RANBP17: variants seen among roughly 807,000 people sequenced by gnomAD.
The protein encoded by RANBP17 is ran-binding protein 17.
RANBP17 carries 158 observed loss-of-function variants against 141.2 expected under a neutral mutation model. The ratio of observed to expected loss-of-function variants is 1.12; its 90% CI spans 0.98 to 1.28. The LOEUF is 1.28. Among genes scored for constraint, RANBP17 ranks in the 50% most tolerant of loss-of-function variants. The pLI, the probability that RANBP17 is intolerant of heterozygous loss-of-function variation, is 0.00. For synonymous variants in RANBP17, 430 were observed against 450.0 expected (o/e 0.96, Z 0.56); for missense variants, 1,438 against 1,290.7 (o/e 1.11, Z -1.75).
At chr5:171,282,671 G>C (rs1417674361) in intron 25 of RANBP17, among the ~76,000 whole-genome samples, 2 of 152,084 alleles carry the variant, frequency 1.3e-5, no homozygotes, top group South Asian at 2.1e-4. Context: ...GTAGAGACGG[G>C]GTTTCACGAT....
chr5:171,122,914 A>G (rs1756147871), intron 14 of RANBP17, among the ~76,000 whole-genome samples: 1 of 152,130 alleles, frequency 6.6e-6, no homozygotes, highest in African/African-American at 2.4e-5. Flanking sequence ...GTCCACTCAG[A>G]GGGCTTCAGT....
intron 14 of RANBP17, among the ~76,000 whole-genome samples, chr5:171,148,815 G>A (rs1001271668): frequency 4.6e-5 from 7 of 152,148 alleles, no homozygotes; most frequent in Non-Finnish European, 1.0e-4. Context: ...TGATATTAAT[G>A]TGATTTCTTC....
chr5:171,004,818 C>A (rs1779469808), intron 14 of RANBP17, among the ~76,000 whole-genome samples: 1 of 152,174 alleles, frequency 6.6e-6, no homozygotes, highest in Non-Finnish European at 1.5e-5. Flanking sequence ...TGAGGACATT[C>A]TGAGGCCCAG....
At chr5:170,902,566 C>T (rs1285412364) in intron 5 of RANBP17, among the ~76,000 whole-genome samples, 2 of 152,072 alleles carry the variant, frequency 1.3e-5, no homozygotes, top group Non-Finnish European at 2.9e-5. Flanking sequence ...CCCTTGTTGG[C>T]GAGGAGTTGT....
intron 25 of RANBP17, among the ~76,000 whole-genome samples, chr5:171,272,164 G>A (rs180717281): frequency 3.9e-5 from 6 of 152,248 alleles, no homozygotes; most frequent in Non-Finnish European, 8.8e-5. Context: ...GACATGAAGG[G>A]AACAACAGAT....
intron 24 of RANBP17, among the ~76,000 whole-genome samples, chr5:171,250,440 A>G (rs772078765): frequency 4.6e-5 from 7 of 152,334 alleles, no homozygotes; most frequent in Non-Finnish European, 8.8e-5. Context: ...ATGTAAAACA[A>G]CCAGAAAACA....
At chr5:170,943,691 A>C (rs958453635) in intron 12 of RANBP17, among the ~76,000 whole-genome samples, 5 of 152,154 alleles carry the variant, frequency 3.3e-5, no homozygotes, top group Admixed American at 6.5e-5. Context: ...CTCTAAATGC[A>C]ATTTAGATAC....
chr5:171,108,049 G>C (rs370179467), intron 14 of RANBP17, among the ~76,000 whole-genome samples: 5 of 152,216 alleles, frequency 3.3e-5, no homozygotes, highest in Non-Finnish European at 7.3e-5. Context: ...ATTATGGTTA[G>C]AGTCGATTGA....
At chr5:171,219,075 AGGCAGACCTGGT>A (rs1763400227) in intron 21 of RANBP17, among the ~76,000 whole-genome samples, 1 of 152,110 alleles carries the variant, frequency 6.6e-6, no homozygotes, top group East Asian at 1.9e-4. Context: ...AGCTCTTGTA[AGGCAGACCTGGT>A]GGTGACAAAA....
chr5:171,227,478 G>A (rs182297546), intron 22 of RANBP17, among the ~76,000 whole-genome samples: 204 of 152,348 alleles, frequency 1.3e-3, no homozygotes, highest in Non-Finnish European at 9.3e-4. Context: ...AGCTAGCAGA[G>A]GTTGGTTCAT....
At chr5:171,008,612 C>A (rs1160175537) in intron 14 of RANBP17, among the ~76,000 whole-genome samples, 2 of 152,118 alleles carry the variant, frequency 1.3e-5, no homozygotes, top group Admixed American at 1.3e-4. Flanking sequence ...GTGAATCTCA[C>A]AAAGTACATT....
intron 14 of RANBP17, among the ~76,000 whole-genome samples, chr5:171,070,738 T>C (rs1784585893): frequency 6.6e-6 from 1 of 152,066 alleles, no homozygotes; most frequent in African/African-American, 2.4e-5. Flanking sequence ...CTCTACACTT[T>C]ACAATACTAG....
chr5:170,978,217 A>G (rs1321989620), intron 14 of RANBP17, among the ~76,000 whole-genome samples: 1 of 152,132 alleles, frequency 6.6e-6, no homozygotes, highest in East Asian at 1.9e-4. Context: ...AACCTTGATG[A>G]TGGAGTGGAA....
chr5:171,018,454 C>G (rs370523686), intron 14 of RANBP17, among the ~76,000 whole-genome samples: 32 of 152,184 alleles, frequency 2.1e-4, no homozygotes, highest in African/African-American at 6.7e-4. Flanking sequence ...TTGTAGTTCT[C>G]CTTGGAGAGG....
intron 14 of RANBP17, among the ~76,000 whole-genome samples, chr5:171,067,898 T>C (rs753440824): frequency 2.0e-4 from 31 of 152,296 alleles, no homozygotes; most frequent in Non-Finnish European, 4.0e-4. Flanking sequence ...ACTGAGCTTC[T>C]GGGATTTATA....
At chr5:171,163,317 T>A (rs1432577845) in intron 14 of RANBP17, among the ~76,000 whole-genome samples, 2 of 152,232 alleles carry the variant, frequency 1.3e-5, no homozygotes, top group African/African-American at 4.8e-5. Flanking sequence ...CCATTAATTC[T>A]CTTGTTATGG....
intron 14 of RANBP17, among the ~76,000 whole-genome samples, chr5:171,033,352 G>A (rs1461729020): frequency 6.6e-6 from 1 of 152,126 alleles, no homozygotes; most frequent in Non-Finnish European, 1.5e-5. Context: ...GAACTGTCTA[G>A]GGCCTGATTG....
chr5:171,123,403 A>G (rs1331507393), intron 14 of RANBP17, among the ~76,000 whole-genome samples: 29 of 152,348 alleles, frequency 1.9e-4, no homozygotes, highest in Admixed American at 1.4e-3. Flanking sequence ...CAAACTGCCA[A>G]TGCCAATGCT....
intron 14 of RANBP17, among the ~76,000 whole-genome samples, chr5:171,062,802 A>C (rs1004111286): frequency 2.0e-3 from 278 of 139,188 alleles, no homozygotes; most frequent in Middle Eastern, 3.5e-3. Flanking sequence ...TACACCAATC[A>C]GACGTAGATT....
Sources: allele counts gnomAD v4.1 joint callset (sites outside exome capture counted in the v4.1 genomes callset), GRCh38; gene constraint gnomAD v4.1.1; transcripts MANE v1.5; gene names NCBI Gene and HGNC (gene_info 2026-07-23, HGNC 2026-07-21).